HERC6: variants seen among roughly 807,000 people sequenced by gnomAD.
HERC6 encodes HECT and RLD domain containing E3 ubiquitin protein ligase family member 6, also known as probable E3 ubiquitin-protein ligase HERC6.
A neutral mutation model predicts 114.5 loss-of-function variants in HERC6; 101 were observed. That is an observed-to-expected ratio of 0.88 (90% CI 0.75 to 1.04). The LOEUF is 1.04. Ranked by LOEUF, HERC6 falls within the 50% of genes least tolerant of loss-of-function variation. The pLI is 0.00. For synonymous variants in HERC6, 408 were observed against 436.2 expected (o/e 0.94, Z 0.81); for missense variants, 1,133 against 1,230.9 (o/e 0.92, Z 1.19).
chr4:88,385,359 A>T (rs62310036), intron 2 of HERC6, 140 bp from the exon 3 acceptor site: 1 of 582,514 alleles, frequency 1.7e-6, no homozygotes, highest in Non-Finnish European at 3.0e-6. Flanking sequence ...CTTTGAAATA[A>T]AGGTACTATA....
At chr4:88,432,930 T>C (rs1237148687) in intron 17 of HERC6, among the ~76,000 whole-genome samples, 2 of 148,438 alleles carry the variant, frequency 1.3e-5, no homozygotes, top group African/African-American at 2.5e-5. Context: ...CTACTAAAAA[T>C]ACAAAAAATT....
At chr4:88,422,203 T>A (rs1737135907) in intron 13 of HERC6, among the ~76,000 whole-genome samples, 1 of 152,342 alleles carries the variant, frequency 6.6e-6, no homozygotes, top group East Asian at 1.9e-4. Context: ...TTTTTAACAA[T>A]CTTGTTAAAT....
intron 11 of HERC6, among the ~76,000 whole-genome samples, chr4:88,408,994 G>T (rs1236230088): frequency 1.3e-5 from 2 of 152,128 alleles, no homozygotes; most frequent in African/African-American, 4.8e-5. Context: ...TCAGTTCCTG[G>T]GTGGGGGCCA....
At chr4:88,440,407 A>C in intron 22 of HERC6, 157 bp downstream of exon 22, 1 of 601,494 alleles carries the variant, frequency 1.7e-6, no homozygotes, top group Non-Finnish European at 2.9e-6. Flanking sequence ...GGACACACAC[A>C]AAGGGTGAGG....
chr4:88,399,832 T>C (rs1412765372), intron 8 of HERC6: 1 of 151,962 alleles, frequency 6.6e-6, no homozygotes, highest in Non-Finnish European at 1.5e-5. Flanking sequence ...ACATTGATTG[T>C]TTGAGATTGG....
Position 88,405,597 on chromosome 4 carries a change from A to G in HERC6, c.1258A>G (p.Ser420Gly). 1 of 1,533,474 alleles carries G rather than the reference A, an allele frequency of 6.5e-7. No homozygotes were observed. The allele number at this position is 1,533,474 out of a possible 1,614,324, so 95.0% of individuals were successfully genotyped here. The change falls in exon 10 of 23, where the codon AGT (serine) becomes GGT (glycine). Residue 420 changes from serine (S) to glycine (G), a missense_variant. Physicochemically the swap from Ser to Gly is moderately conservative, Grantham distance 56 (BLOSUM62 0). This residue lies in a region of HERC6 where 735 missense variants were observed against 754.0 expected (regional missense o/e 0.97). Coordinates refer to ENST00000264346, the MANE Select transcript of HERC6 (RefSeq NM_017912.4). ...IFSSPACLTA[S>G]FLKKRGTGET... Reference sequence around the variant, plus strand: ...TTCATCTCCTGCTTGTCTGACTGCAAGTTTTTTAAAGAAAAGGTAATACTT... The same window carrying G: ...TTCATCTCCTGCTTGTCTGACTGCAGGTTTTTTAAAGAAAAGGTAATACTT...
At position 88,396,131 on chromosome 4, in the gene HERC6, A is replaced by C; in HGVS notation, c.876A>C (p.Ile292=). Reference sequence around the variant, plus strand: ...GAATTGATGGCCTAGTTTCGCAGATAGATTGTGGAAGGTAATAGGCTTCTT... The same window carrying C: ...GAATTGATGGCCTAGTTTCGCAGATCGATTGTGGAAGGTAATAGGCTTCTT... ...VERIDGLVSQ[I]DCGSYHTLAY... Residue 292 remains isoleucine (I), a synonymous_variant, in exon 6 of 23, where the codon ATA becomes ATC. Coordinates refer to ENST00000264346, the MANE Select transcript of HERC6 (RefSeq NM_017912.4). 6.3e-7 allele frequency: 1 copy of C among 1,597,660 alleles called. No individual in the cohort carries two copies. Among genetic ancestry groups the C allele is most frequent in the Non-Finnish European group, 8.5e-7 (1 of 1,172,784 alleles).
Position 88,384,914 on chromosome 4 carries a change from T to G in HERC6, c.360-585T>G, listed in dbSNP as rs577704032. Reference sequence around the variant, plus strand: ...GGTGCATGCCTGTAATCCCAGCTACTTGGGAGGCTGAGGCAGTAGAATTAC... The same window carrying G: ...GGTGCATGCCTGTAATCCCAGCTACGTGGGAGGCTGAGGCAGTAGAATTAC... On this transcript the variant is annotated intron_variant, in intron 2 of 22. Transcript: ENST00000264346. Among the ~76,000 whole-genome samples, 7 of 152,174 alleles carry G rather than the reference T, an allele frequency of 4.6e-5. No homozygotes were observed. The South Asian group carries it at 1.5e-3, about 32-fold the overall frequency.
chr4:88,416,308 G>C (rs1425676482), intron 12 of HERC6, among the ~76,000 whole-genome samples: 1 of 152,086 alleles, frequency 6.6e-6, no homozygotes, highest in Non-Finnish European at 1.5e-5. Context: ...TGTGAGAGCG[G>C]TTTTGCTATT....
chr4:88,442,532 A>C lies in HERC6; in HGVS notation c.*72A>C. 9.4e-7 allele frequency: 1 copy of C among 1,060,970 alleles called. No homozygotes were observed. Among genetic ancestry groups the C allele is most frequent in the Non-Finnish European group, 1.4e-6 (1 of 702,694 alleles). 65.7% of individuals were successfully genotyped at this position (1,060,970 alleles called of 1,614,324 possible). The stretch of plus-strand genomic sequence containing the variant: ...CTGTTCTTCCTTACACCTAAATAAT[A>C]CAAGAGATTAATGAATAGTGGTTAG... On this transcript the variant is annotated 3_prime_UTR_variant, in exon 23 of 23. Coordinates refer to ENST00000264346, the MANE Select transcript of HERC6 (RefSeq NM_017912.4).
intron 7 of HERC6, 133 bp downstream of exon 7, chr4:88,397,120 AT>A (rs199680181): frequency 1.0e-3 from 715 of 699,888 alleles, no homozygotes; most frequent in South Asian, 1.8e-3. Context: ...TTATTTATTT[AT>A]TTTTTTTTGA....
Position 88,408,531 on chromosome 4 carries a change from G to C in HERC6, c.1282G>C (p.Gly428Arg). 1 of 1,593,740 alleles carries C rather than the reference G, an allele frequency of 6.3e-7. No homozygotes were observed. Among genetic ancestry groups the C allele is most frequent in the Non-Finnish European group, 8.6e-7 (1 of 1,168,104 alleles). Residue 428 changes from glycine to arginine, a missense_variant, in exon 11 of 23, where the codon GGA becomes CGA. Transcript: ENST00000264346. Reference protein sequence around the residue: ...TASFLKKRGTGETTSIDVDLE... With the variant: ...TASFLKKRGTRETTSIDVDLE... Reference sequence around the variant, plus strand: ...CATTTCTTGTATCCAAAGAGGAACTGGAGAAACGACTTCCATTGATGTGGA... The same window carrying C: ...CATTTCTTGTATCCAAAGAGGAACTCGAGAAACGACTTCCATTGATGTGGA...
intron 16 of HERC6, among the ~76,000 whole-genome samples, chr4:88,429,961 G>C (rs557598126): frequency 6.6e-6 from 1 of 152,300 alleles, no homozygotes; most frequent in African/African-American, 2.4e-5. Flanking sequence ...CCCATCATGA[G>C]TGAGTCTTGA....
At chr4:88,417,653 T>C in intron 13 of HERC6, 74 bp downstream of exon 13, 1 of 1,255,522 alleles carries the variant, frequency 8.0e-7, no homozygotes, top group Non-Finnish European at 1.1e-6. Context: ...CCAGTTGGAC[T>C]TCTAAGAAGT....
chr4:88,398,515 T>G, intron 8 of HERC6: 1 of 203,070 alleles, frequency 4.9e-6, no homozygotes, highest in Non-Finnish European at 9.8e-6. Flanking sequence ...CAGCAGCTGT[T>G]TCCATCTTCA....
At chr4:88,388,860 A>G (rs1344205447) in intron 3 of HERC6, among the ~76,000 whole-genome samples, 1 of 152,210 alleles carries the variant, frequency 6.6e-6, no homozygotes, top group African/African-American at 2.4e-5. Context: ...TTTTCTGTAC[A>G]GGTGCAAATC....
At chr4:88,424,818 T>A (rs1343539252) in intron 15 of HERC6, 116 bp downstream of exon 15, 1 of 647,938 alleles carries the variant, frequency 1.5e-6, no homozygotes, top group East Asian at 2.9e-5. Flanking sequence ...GCCACACTTT[T>A]ATCTATCACT....
At chr4:88,417,604 A>G (rs373933711) in intron 13 of HERC6, 25 bp downstream of exon 13, 3 of 1,591,660 alleles carry the variant, frequency 1.9e-6, no homozygotes, top group South Asian at 1.1e-5. Context: ...AAAGGAATGC[A>G]TGTACTATTT....
chr4:88,431,365 C>T (rs1738187417), intron 17 of HERC6, 60 bp downstream of exon 17: 3 of 1,515,772 alleles, frequency 2.0e-6, no homozygotes, highest in Non-Finnish European at 2.7e-6. Context: ...TATACTGCAA[C>T]ATTAACACCA....
Sources: gnomAD v4.1 joint callset for allele counts (sites outside exome capture counted in the v4.1 genomes callset) on GRCh38, gnomAD v4.1.1 for gene constraint, gnomAD v4.1.1 regional missense constraint, MANE v1.5 for transcripts, NCBI Gene and HGNC (gene_info 2026-07-23, HGNC 2026-07-21) for gene names.